SLC67A2: variants seen among roughly 807,000 people sequenced by gnomAD.
SLC67A2 encodes the protein solute carrier family 67 member 2, also known as solute carrier family 67 member A2.
At chr2:102,731,365 A>G in the SLC67A2 span, among the ~76,000 whole-genome samples, 1 of 152,180 alleles carries the variant, frequency 6.6e-6, no homozygotes, top group African/African-American at 2.4e-5. Flanking sequence ...CTTCCATCAT[A>G]TGAGATTGTG....
chr2:102,735,242 T>C, the SLC67A2 span, among the ~76,000 whole-genome samples: 1 of 152,326 alleles, frequency 6.6e-6, no homozygotes, highest in South Asian at 2.1e-4. Flanking sequence ...GATCCTGCAA[T>C]GGCCTAGAGG....
At chr2:102,736,681 G>A in the SLC67A2 span, 5 of 1,613,596 alleles carry the variant, frequency 3.1e-6, no homozygotes, top group East Asian at 6.7e-5. Flanking sequence ...AGCAGGAAGC[G>A]GCGGGCTCCG....
the SLC67A2 span, among the ~76,000 whole-genome samples, chr2:102,729,549 G>A: frequency 6.6e-6 from 1 of 152,112 alleles, no homozygotes; most frequent in African/African-American, 2.4e-5. Context: ...CATGAAATAC[G>A]ACATTCTGCT....
At chr2:102,718,646 A>C in the SLC67A2 span, 1 of 1,613,842 alleles carries the variant, frequency 6.2e-7, no homozygotes, top group Admixed American at 1.7e-5. Flanking sequence ...GCCCACAGTC[A>C]GCTGGAGGTC....
the SLC67A2 span, among the ~76,000 whole-genome samples, chr2:102,728,246 A>AC: frequency 7.2e-5 from 11 of 152,162 alleles, no homozygotes; most frequent in African/African-American, 1.4e-4. Context: ...ACCCTGGATG[A>AC]CCCCCAGTTC....
the SLC67A2 span, chr2:102,716,041 A>T: frequency 6.6e-6 from 1 of 152,204 alleles, no homozygotes; most frequent in Admixed American, 6.5e-5. Flanking sequence ...TCTGGGTCAC[A>T]CTTTAAAGAG....
chr2:102,730,895 G>T, the SLC67A2 span: 2 of 802,414 alleles, frequency 2.5e-6, no homozygotes, highest in Non-Finnish European at 4.1e-6. Flanking sequence ...TCTGTAAAAA[G>T]CAGGGAATTG....
the SLC67A2 span, among the ~76,000 whole-genome samples, chr2:102,725,521 G>A: frequency 2.6e-5 from 4 of 152,236 alleles, no homozygotes; most frequent in African/African-American, 9.6e-5. Flanking sequence ...ACATAATGGT[G>A]GAGTGTGTTA....
the SLC67A2 span, chr2:102,718,276 G>A: frequency 2.6e-5 from 24 of 928,286 alleles, no homozygotes; most frequent in East Asian, 1.2e-4. Flanking sequence ...ATGGCCAAGA[G>A]CTGACCTGGA....
chr2:102,724,839 G>A, the SLC67A2 span, among the ~76,000 whole-genome samples: 3 of 152,350 alleles, frequency 2.0e-5, no homozygotes, highest in Middle Eastern at 3.4e-3. Flanking sequence ...TAGTGTGGTT[G>A]TGTGCCTGAC....
chr2:102,735,631 A>C, the SLC67A2 span, among the ~76,000 whole-genome samples: 4 of 152,186 alleles, frequency 2.6e-5, no homozygotes, highest in African/African-American at 9.7e-5. Flanking sequence ...GCAGAGGTGG[A>C]TCTAGGGTTC....
chr2:102,718,795 C>T, the SLC67A2 span: 2,418 of 1,613,768 alleles, frequency 1.5e-3, 36 homozygotes, highest in African/African-American at 0.027. Context: ...GCAGTGCCTG[C>T]GAGTTGTGCT....
the SLC67A2 span, among the ~76,000 whole-genome samples, chr2:102,727,922 G>A: frequency 6.6e-6 from 1 of 152,038 alleles, no homozygotes; most frequent in South Asian, 2.1e-4. Flanking sequence ...TAAAATTTGT[G>A]TACTATTTGC....
At chr2:102,733,065 T>A in the SLC67A2 span, among the ~76,000 whole-genome samples, 1 of 152,220 alleles carries the variant, frequency 6.6e-6, no homozygotes, top group Non-Finnish European at 1.5e-5. Flanking sequence ...ATGATGAGCA[T>A]TAAGTGGCAT....
the SLC67A2 span, chr2:102,736,631 C>G: frequency 6.2e-6 from 10 of 1,613,938 alleles, no homozygotes; most frequent in Admixed American, 1.7e-5. Context: ...TCCCAGCCCC[C>G]ACGCTCGCAC....
the SLC67A2 span, among the ~76,000 whole-genome samples, chr2:102,727,323 T>C: frequency 2.9e-4 from 44 of 152,262 alleles, no homozygotes; most frequent in African/African-American, 1.0e-3. Context: ...TCAGATACCA[T>C]GTACATTTTT....
At chr2:102,715,878 C>T in the SLC67A2 span, 1 of 152,134 alleles carries the variant, frequency 6.6e-6, no homozygotes, top group Admixed American at 6.5e-5. Context: ...AGATTATATT[C>T]CATAAGTGAT....
the SLC67A2 span, among the ~76,000 whole-genome samples, chr2:102,723,331 T>C: frequency 6.6e-6 from 1 of 152,114 alleles, no homozygotes; most frequent in Non-Finnish European, 1.5e-5. Flanking sequence ...TAACCGGGTA[T>C]GGTGGCATAT....
chr2:102,729,863 G>A, the SLC67A2 span, among the ~76,000 whole-genome samples: 29,972 of 152,130 alleles, frequency 0.2, 3,832 homozygotes, highest in Middle Eastern at 0.3. Flanking sequence ...AAATCAGGAA[G>A]TAGCTGTTTA....
Sources: allele counts gnomAD v4.1 joint callset (sites outside exome capture counted in the v4.1 genomes callset), GRCh38; gene constraint gnomAD v4.1.1; transcripts MANE v1.5; gene names NCBI Gene and HGNC (gene_info 2026-07-23, HGNC 2026-07-21).